The following ELMOD3 variants were observed in gnomAD, a reference collection of about 807,000 sequenced individuals.
The protein encoded by ELMOD3 is ELMO domain containing 3.
ELMOD3 carries 36 observed loss-of-function variants against 47.4 expected under a neutral mutation model. The ratio of observed to expected loss-of-function variants is 0.76; its 90% CI spans 0.58 to 1.00. ELMOD3 has a LOEUF of 1.00. ELMOD3 is among the 50% of genes least tolerant of loss of function. The pLI, the probability that ELMOD3 is intolerant of heterozygous loss-of-function variation, is 0.00. For synonymous variants in ELMOD3, 149 were observed against 183.5 expected (o/e 0.81, Z 1.52); for missense variants, 404 against 463.8 (o/e 0.87, Z 1.18).
chr2:85,387,251 G>A, intron 11 of ELMOD3: 1 of 1,145,342 alleles, frequency 8.7e-7, no homozygotes, highest in Non-Finnish European at 1.1e-6. Flanking sequence ...ACGAACATTT[G>A]TTAATACCTA....
chr2:85,377,652 G>T (rs144062940), intron 11 of ELMOD3, among the ~76,000 whole-genome samples, 178 bp downstream of exon 11: 32 of 152,300 alleles, frequency 2.1e-4, no homozygotes, highest in Non-Finnish European at 4.1e-4. Context: ...CAAGTTCCTC[G>T]ACTCCTCAGA....
intron 11 of ELMOD3, among the ~76,000 whole-genome samples, chr2:85,386,786 G>A (rs546953417): frequency 5.3e-5 from 8 of 152,214 alleles, no homozygotes; most frequent in Non-Finnish European, 7.4e-5. Flanking sequence ...ACCTGAGGTC[G>A]GGAGGTCGAG....
intron 10 of ELMOD3, among the ~76,000 whole-genome samples, chr2:85,375,744 T>C (rs1685129456): frequency 6.6e-6 from 1 of 152,238 alleles, no homozygotes; most frequent in Non-Finnish European, 1.5e-5. Context: ...GAAGTCTGAC[T>C]CAGGTCTTAC....
intron 11 of ELMOD3, among the ~76,000 whole-genome samples, chr2:85,381,766 T>C (rs1454573402): frequency 6.6e-6 from 1 of 152,084 alleles, no homozygotes; most frequent in Non-Finnish European, 1.5e-5. Flanking sequence ...AGGAATGCAG[T>C]TTATTCTGAT....
At chr2:85,389,979 C>T (rs1686205625) in intron 12 of ELMOD3, 152 bp downstream of exon 12, 6 of 1,065,520 alleles carry the variant, frequency 5.6e-6, no homozygotes, top group African/African-American at 3.1e-5. Context: ...GACATCCCTT[C>T]TCCCACCCCT....
chr2:85,360,203 T>G (rs1683848911), intron 4 of ELMOD3, among the ~76,000 whole-genome samples: 1 of 148,146 alleles, frequency 6.8e-6, no homozygotes. Flanking sequence ...GAGGCATAGG[T>G]TGAGGTGAGC....
intron 10 of ELMOD3, 124 bp downstream of exon 10, chr2:85,371,686 G>C: frequency 7.0e-7 from 1 of 1,432,804 alleles, no homozygotes; most frequent in East Asian, 2.3e-5. Flanking sequence ...TCCGGGAAGA[G>C]GGTGCAGCAA....
intron 11 of ELMOD3, among the ~76,000 whole-genome samples, chr2:85,385,185 C>T (rs1176336456): frequency 6.6e-6 from 1 of 152,052 alleles, no homozygotes; most frequent in Non-Finnish European, 1.5e-5. Flanking sequence ...ACTAAGGTCT[C>T]AAGAAAGGAG....
chr2:85,363,086 T>C lies in ELMOD3; in HGVS notation c.130-11T>C. 1 of 1,590,356 alleles carries C rather than the reference T, an allele frequency of 6.3e-7. No homozygotes were observed. The highest frequency in any genetic ancestry group is 8.6e-7 in the Non-Finnish European group (1 of 1,158,806). ...TTCTATCCTCAAGCTAAAGGTCAGC[T>C]GCCTCTACAGATCTCAGAGTTGAAG... On this transcript the variant is annotated splice_polypyrimidine_tract_variant and intron_variant, in intron 5 of 13. Transcript: ENST00000409013.
At chr2:85,363,322 T>A (rs1684119435) in intron 6 of ELMOD3, among the ~76,000 whole-genome samples, 156 bp downstream of exon 6, 1 of 152,192 alleles carries the variant, frequency 6.6e-6, no homozygotes, top group Non-Finnish European at 1.5e-5. Context: ...AACACTGAAT[T>A]AGGAATCAAA....
chr2:85,390,686 A>G, intron 13 of ELMOD3, 74 bp from the exon 14 acceptor site: 1 of 1,524,712 alleles, frequency 6.6e-7, no homozygotes. Context: ...TAGAGCTGCT[A>G]GGCTTGAGGC....
At chr2:85,383,208 A>C (rs1363368531) in intron 11 of ELMOD3, among the ~76,000 whole-genome samples, 1 of 151,788 alleles carries the variant, frequency 6.6e-6, no homozygotes. Context: ...GGCTCACTGC[A>C]ACCTCCACCT....
At chr2:85,389,644 C>T in intron 11 of ELMOD3, 107 bp from the exon 12 acceptor site, 2 of 791,688 alleles carry the variant, frequency 2.5e-6, no homozygotes, top group Non-Finnish European at 2.2e-6. Flanking sequence ...ATAATATCAG[C>T]TGTTGCCTCT....
At chr2:85,366,124 ATTT>A (rs566714087) in intron 6 of ELMOD3, among the ~76,000 whole-genome samples, 3 of 135,606 alleles carry the variant, frequency 2.2e-5, no homozygotes, top group Admixed American at 1.5e-4. Context: ...TACCCAGCTA[ATTT>A]TTTTTTTTTT....
rs114904756 is a variant in ELMOD3 at position 85,385,146 on chromosome 2, G to A, written c.739-4605G>A. On this transcript the variant is annotated intron_variant, in intron 11 of 13. Transcript: ENST00000409013. ...TTAGCCAAGCTGATATCTGGGAGAA[G>A]AACATACCAGGCAGAGGGATTAGCT... Among the ~76,000 whole-genome samples, 785 of 152,274 alleles carry A rather than the reference G, an allele frequency of 5.2e-3. 11 individuals carry two copies. The highest frequency in any genetic ancestry group is 0.018 in the African/African-American group (751 of 41,560).
At position 85,361,808 on chromosome 2, in the gene ELMOD3, G is replaced by A. The variant is rs538041866; in HGVS notation, c.55-378G>A. 3.9e-5 allele frequency among the ~76,000 whole-genome samples: 6 copies of A among 152,220 alleles called. No individual in the cohort carries two copies. In the South Asian group the frequency reaches 6.2e-4, roughly 16 times the overall value. On this transcript the variant is annotated intron_variant, in intron 4 of 13. Transcript: ENST00000409013. ...TAGTCGGGCCTGGTGGCAGGCGCCT[G>A]TAGTCCCAGCTACTCGGAAGGCTGA...
chr2:85,382,222 G>A (rs966548179), intron 11 of ELMOD3, among the ~76,000 whole-genome samples: 1 of 149,846 alleles, frequency 6.7e-6, no homozygotes, highest in Admixed American at 6.7e-5. Flanking sequence ...GGCAGATCAC[G>A]AGGTCAGGAG....
chr2:85,386,805 G>A (rs1473507216), intron 11 of ELMOD3, among the ~76,000 whole-genome samples: 2 of 152,120 alleles, frequency 1.3e-5, no homozygotes, highest in Non-Finnish European at 2.9e-5. Context: ...AGACCAGCCT[G>A]ATCAACAGAT....
Position 85,391,266 on chromosome 2 carries a change from G to T in ELMOD3, c.*304G>T. 1 of 302,668 alleles carries T rather than the reference G, an allele frequency of 3.3e-6. No individual in the cohort carries two copies. The highest frequency in any genetic ancestry group is 4.4e-5 in the South Asian group (1 of 22,864). The allele number at this position is 302,668 out of a possible 1,614,324, so 18.7% of individuals were successfully genotyped here. On this transcript the variant is annotated 3_prime_UTR_variant, in exon 14 of 14. Coordinates refer to ENST00000409013, the MANE Select transcript of ELMOD3 (RefSeq NM_001135022.2). ...CCCACTGGGAGTGAATGGATCATGA[G>T]GTGGGATGGCCCCATCTGGATGTTC... is the stretch of plus-strand genomic sequence containing the variant.
Sources: gnomAD v4.1 joint callset for allele counts (sites outside exome capture counted in the v4.1 genomes callset) on GRCh38, gnomAD v4.1.1 for gene constraint, MANE v1.5 for transcripts, NCBI Gene and HGNC (gene_info 2026-07-23, HGNC 2026-07-21) for gene names.